TAF3: variants seen among roughly 807,000 people sequenced by gnomAD.
The protein encoded by TAF3 is transcription initiation factor TFIID subunit 3.
In TAF3, 7 loss-of-function variants were observed where a neutral mutation model predicts 80.6. The observed-to-expected ratio is 0.09, with a 90% CI of 0.05 to 0.16. TAF3 has a LOEUF of 0.16. Ranked by LOEUF, TAF3 falls within the 10% of genes least tolerant of loss-of-function variation. The pLI is 1.00. For synonymous variants in TAF3, 444 were observed against 446.1 expected, an observed-to-expected ratio of 1.00 and a Z score of 0.06; for missense variants, 921 against 1,140.2, an observed-to-expected ratio of 0.81 and a Z score of 2.77.
intron 2 of TAF3, among the ~76,000 whole-genome samples, chr10:7,921,468 A>G (rs1280661809): frequency 1.3e-5 from 2 of 152,136 alleles, no homozygotes; most frequent in African/African-American, 4.8e-5. Flanking sequence ...GGTGTTTTTC[A>G]AACTTCAGGT....
chr10:7,827,578 G>C (rs753374707), intron 2 of TAF3, among the ~76,000 whole-genome samples: 1 of 152,112 alleles, frequency 6.6e-6, no homozygotes, highest in Admixed American at 6.5e-5. Context: ...TCAGGAGATC[G>C]AGACCATCCT....
At chr10:7,876,734 C>T (rs1837315982) in intron 2 of TAF3, among the ~76,000 whole-genome samples, 1 of 152,176 alleles carries the variant, frequency 6.6e-6, no homozygotes, top group African/African-American at 2.4e-5. Flanking sequence ...ATCTTTGGAG[C>T]ATAGCCAAAG....
chr10:8,009,113 A>G lies in TAF3; in HGVS notation c.2351A>G (p.Lys784Arg), dbSNP rs775300709. The change falls in exon 5 of 7, where the codon AAG becomes AGG. Residue 784 changes from lysine (K) to arginine (R), a missense_variant. Physicochemically the swap from Lys to Arg is conservative, Grantham distance 26. Coordinates refer to ENST00000344293, the MANE Select transcript of TAF3 (RefSeq NM_031923.4). The surrounding 1 kb of genome is among the most constrained non-coding windows in gnomAD (Gnocchi z 4.1). ...AAGGTGGTCCCTGCCCCCGAGGCCAAGCCGGCGCCCTCGCAGAACAGGCCG... is the reference window on the plus strand; with the variant it reads ...AAGGTGGTCCCTGCCCCCGAGGCCAGGCCGGCGCCCTCGCAGAACAGGCCG... ...ISKVVPAPEA[K>R]PAPSQNRPKT... The G allele has an allele frequency of 1.2e-6, 2 of 1,601,046 alleles. No individual in the cohort carries two copies. Among genetic ancestry groups the G allele is most frequent in the Middle Eastern group, 1.7e-4 (1 of 6,032 alleles).
At chr10:7,962,284 C>T (rs977083469) in intron 2 of TAF3, among the ~76,000 whole-genome samples, 3 of 152,282 alleles carry the variant, frequency 2.0e-5, no homozygotes, top group Middle Eastern at 3.4e-3. Flanking sequence ...ACTGTTCTAG[C>T]TCTGACCCTT....
chr10:7,975,367 C>T (rs1233247064), intron 3 of TAF3, among the ~76,000 whole-genome samples: 1 of 152,166 alleles, frequency 6.6e-6, no homozygotes, highest in Non-Finnish European at 1.5e-5. Context: ...TCATGCTTTA[C>T]ACTTATCTTA....
chr10:7,989,342 T>G (rs1378334377), intron 4 of TAF3, among the ~76,000 whole-genome samples: 1 of 152,210 alleles, frequency 6.6e-6, no homozygotes, highest in Non-Finnish European at 1.5e-5. Flanking sequence ...ATGGGTGCTG[T>G]GTAGAGACAG....
intron 2 of TAF3, among the ~76,000 whole-genome samples, chr10:7,868,512 G>C (rs980954971): frequency 6.6e-6 from 1 of 152,240 alleles, no homozygotes; most frequent in African/African-American, 2.4e-5. Flanking sequence ...TGACCATCAG[G>C]AGTGGAGGCA....
At position 7,818,705 on chromosome 10, in the gene TAF3, G is replaced by C. The variant is rs1325772518; in HGVS notation, c.-5G>C. 1.2e-6 allele frequency: 2 copies of C among 1,603,728 alleles called. No individual in the cohort carries two copies. Among genetic ancestry groups the C allele is most frequent in the Non-Finnish European group, 1.7e-6 (2 of 1,176,528 alleles). On this transcript the variant is annotated 5_prime_UTR_variant, in exon 1 of 7. Coordinates refer to ENST00000344293, the MANE Select transcript of TAF3 (RefSeq NM_031923.4). Reference sequence around the variant, plus strand: ...CAAGGGCTGCGGTGGCGTCCACGCAGCGGGATGTGCGAGAGTTACTCCAGG... The same window carrying C: ...CAAGGGCTGCGGTGGCGTCCACGCACCGGGATGTGCGAGAGTTACTCCAGG...
At chr10:7,846,104 G>A (rs776030663) in intron 2 of TAF3, among the ~76,000 whole-genome samples, 33 of 151,780 alleles carry the variant, frequency 2.2e-4, no homozygotes, top group African/African-American at 5.6e-4. Flanking sequence ...GACTACAGGC[G>A]CCCGCCACCA....
chr10:7,836,422 G>A (rs1836853125), intron 2 of TAF3, among the ~76,000 whole-genome samples: 1 of 151,920 alleles, frequency 6.6e-6, no homozygotes, highest in Non-Finnish European at 1.5e-5. Context: ...TTAGAGGCAT[G>A]AGCTACCAAG....
At chr10:8,000,572 G>A (rs946502613) in intron 4 of TAF3, among the ~76,000 whole-genome samples, 6 of 151,912 alleles carry the variant, frequency 3.9e-5, no homozygotes, top group African/African-American at 1.5e-4. Context: ...TTCCAGACCA[G>A]CCTGGGCAAC....
intron 2 of TAF3, among the ~76,000 whole-genome samples, chr10:7,948,712 C>G (rs530897509): frequency 2.5e-4 from 38 of 152,186 alleles, no homozygotes; most frequent in Non-Finnish European, 5.3e-4. Flanking sequence ...GGGATAGATA[C>G]ATAACAACCA....
At chr10:7,871,936 A>G (rs991676864) in intron 2 of TAF3, among the ~76,000 whole-genome samples, 6 of 152,332 alleles carry the variant, frequency 3.9e-5, no homozygotes, top group African/African-American at 1.2e-4. Flanking sequence ...TTTTAGCCAG[A>G]TGATATATAG....
At chr10:7,835,834 T>A (rs940991865) in intron 2 of TAF3, among the ~76,000 whole-genome samples, 3 of 152,178 alleles carry the variant, frequency 2.0e-5, no homozygotes, top group African/African-American at 7.2e-5. Flanking sequence ...TGGTGGCATG[T>A]TGTCACCTGC....
chr10:7,886,667 A>G (rs1837411742), intron 2 of TAF3, among the ~76,000 whole-genome samples: 1 of 152,232 alleles, frequency 6.6e-6, no homozygotes, highest in Non-Finnish European at 1.5e-5. Context: ...CACATAGCTG[A>G]CATCCAGTAA....
chr10:7,906,352 A>G (rs1588547002), intron 2 of TAF3, among the ~76,000 whole-genome samples: 1 of 152,246 alleles, frequency 6.6e-6, no homozygotes, highest in Admixed American at 6.5e-5. Context: ...TTCAATATCC[A>G]TTGCTTAGTG....
chr10:7,971,467 T>A (rs63742761), intron 3 of TAF3, among the ~76,000 whole-genome samples: 2 of 146,374 alleles, frequency 1.4e-5, no homozygotes, highest in African/African-American at 2.5e-5. Context: ...TTTTTTTTTT[T>A]AATGAAAGGA....
chr10:8,011,426 G>A lies in TAF3; in HGVS notation c.2568+2096G>A, dbSNP rs529198055. Among the ~76,000 whole-genome samples the A allele has an allele frequency of 7.2e-5, 11 of 152,048 alleles. No individual in the cohort carries two copies. The East Asian group carries it at 1.7e-3, about 24-fold the overall frequency. ...CTGCCACCACAACTGGCTGTTTCTT[G>A]GCTGTTTTTGTTTGTTTGTTTTTGG... On this transcript the variant is annotated intron_variant, in intron 5 of 6. Transcript: ENST00000344293.
chr10:7,912,098 CATATT>C (rs1402273624), intron 2 of TAF3, among the ~76,000 whole-genome samples: 1 of 152,152 alleles, frequency 6.6e-6, no homozygotes, highest in Non-Finnish European at 1.5e-5. Context: ...GAATAGGAAA[CATATT>C]ATCCTCATTA....
Sources: allele counts gnomAD v4.1 joint callset (sites outside exome capture counted in the v4.1 genomes callset), GRCh38; gene constraint gnomAD v4.1.1; non-coding constraint Gnocchi (gnomAD v3.1); transcripts MANE v1.5; gene names NCBI Gene and HGNC (gene_info 2026-07-23, HGNC 2026-07-21).